The following PLEKHM3 variants were observed in gnomAD, a reference collection of about 807,000 sequenced individuals.
The protein encoded by PLEKHM3 is pleckstrin homology domain containing M3.
PLEKHM3 carries 45 observed loss-of-function variants against 81.8 expected under a neutral mutation model. The ratio of observed to expected loss-of-function variants is 0.55; its 90% confidence interval spans 0.43 to 0.71. PLEKHM3 has a LOEUF of 0.71. Ranked by LOEUF, PLEKHM3 falls within the 30% of genes least tolerant of loss-of-function variation. The probability of loss-of-function intolerance (pLI) is 0.00; values close to 1 mark genes in which losing one functional copy is unlikely to be tolerated. For synonymous variants in PLEKHM3, 352 were observed against 356.4 expected, an observed-to-expected ratio of 0.99 and a Z score of 0.14; for missense variants, 788 against 924.3, an observed-to-expected ratio of 0.85 and a Z score of 1.91.
intron 6 of PLEKHM3, among the ~76,000 whole-genome samples, chr2:207,906,109 C>T (rs1306941505): frequency 6.6e-6 from 1 of 152,246 alleles, no homozygotes; most frequent in Non-Finnish European, 1.5e-5. Context: ...TCAAAGAGTA[C>T]TCACTTTGGA....
At chr2:207,862,967 G>A (rs1387215933) in intron 6 of PLEKHM3, among the ~76,000 whole-genome samples, 6 of 152,202 alleles carry the variant, frequency 3.9e-5, no homozygotes, top group Admixed American at 2.6e-4. Flanking sequence ...GTCCCACAAA[G>A]ATGATTTCTC....
chr2:207,958,054 T>C (rs1690581782), intron 3 of PLEKHM3, among the ~76,000 whole-genome samples: 2 of 152,176 alleles, frequency 1.3e-5, no homozygotes, highest in Non-Finnish European at 2.9e-5. Flanking sequence ...AAAAACCCTA[T>C]GACAACAGAA....
intron 5 of PLEKHM3, among the ~76,000 whole-genome samples, chr2:207,915,593 A>T (rs1056639518): frequency 3.3e-5 from 5 of 152,314 alleles, no homozygotes; most frequent in Non-Finnish European, 5.9e-5. Flanking sequence ...AGACTCAATG[A>T]TTAAAATGAG....
At chr2:207,844,530 TCTC>T (rs1235265647) in intron 7 of PLEKHM3, among the ~76,000 whole-genome samples, 49 of 151,750 alleles carry the variant, frequency 3.2e-4, no homozygotes, top group Non-Finnish European at 5.3e-4. Context: ...ATGGTCTCGA[TCTC>T]CTGACCTCGT....
intron 6 of PLEKHM3, among the ~76,000 whole-genome samples, chr2:207,899,744 T>C (rs951699045): frequency 4.6e-5 from 7 of 152,200 alleles, no homozygotes; most frequent in Non-Finnish European, 8.8e-5. Flanking sequence ...TCCTGAAGCA[T>C]GCAGACAGTG....
intron 7 of PLEKHM3, among the ~76,000 whole-genome samples, chr2:207,850,221 GCTGGGGACCAAGCTTCAGCAAGATTTT>G (rs2105896553): frequency 6.6e-6 from 1 of 152,214 alleles, no homozygotes; most frequent in African/African-American, 2.4e-5. Context: ...ACACCTCTAC[GCTGGGGACCAAGCTTCAGCAAGATTTT>G]CTGGGGACAC....
intron 5 of PLEKHM3, among the ~76,000 whole-genome samples, chr2:207,930,350 G>C (rs1297499567): frequency 2.0e-5 from 3 of 152,172 alleles, no homozygotes; most frequent in African/African-American, 7.2e-5. Flanking sequence ...GGGAGGCTGA[G>C]GCAGGAGGAT....
chr2:207,930,808 G>T (rs2105939909), intron 5 of PLEKHM3, 118 bp downstream of exon 5: 11 of 1,148,806 alleles, frequency 9.6e-6, no homozygotes, highest in Middle Eastern at 3.0e-4. Context: ...GAGGCGGAGG[G>T]CGAGCCACAA....
chr2:207,865,781 CAAAAAAAAAAA>C (rs71412445), intron 6 of PLEKHM3, among the ~76,000 whole-genome samples: 1 of 3,796 alleles, frequency 2.6e-4, no homozygotes, highest in African/African-American at 7.1e-4. Flanking sequence ...AACTCCGACT[CAAAAAAAAAAA>C]AAAAAAAAAA....
chr2:207,835,097 T>C lies in PLEKHM3; in HGVS notation c.2109-6601A>G, dbSNP rs1043836770. ...CTGGGATTACAGGCACCCGTCACCA[T>C]GCCCAGCTAATTTTTTTTTGTATTT... is the stretch of plus-strand genomic sequence containing the variant. On this transcript the variant is annotated intron_variant, in intron 7 of 7. Coordinates refer to ENST00000427836, the MANE Select transcript of PLEKHM3 (RefSeq NM_001080475.3). 2.6e-5 allele frequency among the ~76,000 whole-genome samples: 4 copies of C among 152,064 alleles called. No homozygotes were observed. In the East Asian group the frequency reaches 5.8e-4, roughly 22 times the overall value.
At chr2:208,016,670 T>TACACACACACACACACACACAC (rs370576889) in intron 1 of PLEKHM3, among the ~76,000 whole-genome samples, 79 of 65,028 alleles carry the variant, frequency 1.2e-3, no homozygotes, top group African/African-American at 1.7e-3. Flanking sequence ...AAAAAAAAAA[T>TACACACACACACACACACACAC]ACACACACAC....
At chr2:207,952,822 T>C (rs1014750888) in intron 3 of PLEKHM3, among the ~76,000 whole-genome samples, 20 of 152,150 alleles carry the variant, frequency 1.3e-4, no homozygotes, top group Non-Finnish European at 2.2e-4. Context: ...ACTGAAGCTA[T>C]AGAATTCTAC....
At chr2:207,929,828 G>T in intron 5 of PLEKHM3, 1 of 632,490 alleles carries the variant, frequency 1.6e-6, no homozygotes, top group Non-Finnish European at 2.8e-6. Flanking sequence ...CAGTTTCTTT[G>T]GATCTAATTG....
intron 7 of PLEKHM3, among the ~76,000 whole-genome samples, chr2:207,833,048 G>T (rs894242507): frequency 6.7e-6 from 1 of 149,518 alleles, no homozygotes; most frequent in Non-Finnish European, 1.5e-5. Context: ...GGAGACAGAG[G>T]CTGCAGTCAG....
At chr2:207,920,391 GC>G (rs1338417554) in intron 5 of PLEKHM3, among the ~76,000 whole-genome samples, 1 of 152,096 alleles carries the variant, frequency 6.6e-6, no homozygotes, top group African/African-American at 2.4e-5. Flanking sequence ...GGCACCCCAA[GC>G]CCCCAAATCA....
intron 3 of PLEKHM3, among the ~76,000 whole-genome samples, chr2:207,970,328 C>A (rs1010383762): frequency 3.3e-5 from 5 of 151,544 alleles, no homozygotes. Context: ...AATGCCCCCC[C>A]ACCCCCCACC....
At chr2:207,863,343 C>A (rs1169322472) in intron 6 of PLEKHM3, among the ~76,000 whole-genome samples, 1 of 152,230 alleles carries the variant, frequency 6.6e-6, no homozygotes, top group Non-Finnish European at 1.5e-5. Context: ...GCAGTGCCTG[C>A]AGGCCGAGGC....
intron 6 of PLEKHM3, among the ~76,000 whole-genome samples, chr2:207,888,521 C>T (rs1041467790): frequency 2.6e-5 from 4 of 152,082 alleles, no homozygotes; most frequent in Admixed American, 6.5e-5. Context: ...CTCAGCCTCC[C>T]GAGTAGCTGG....
intron 6 of PLEKHM3, among the ~76,000 whole-genome samples, chr2:207,870,505 T>C (rs182886451): frequency 2.6e-5 from 4 of 152,354 alleles, no homozygotes; most frequent in African/African-American, 9.6e-5. Context: ...AGGAACAGGC[T>C]GGCTTGACGA....
Sources: gnomAD v4.1 joint callset for allele counts (sites outside exome capture counted in the v4.1 genomes callset) on GRCh38, gnomAD v4.1.1 for gene constraint, MANE v1.5 for transcripts, NCBI Gene and HGNC (gene_info 2026-07-23, HGNC 2026-07-21) for gene names.